The following CCDC85A variants were observed in gnomAD, a reference collection of about 807,000 sequenced individuals.
CCDC85A encodes the protein coiled-coil domain-containing protein 85A.
In CCDC85A, 38 loss-of-function variants were observed where a neutral mutation model predicts 50.2. The observed-to-expected ratio is 0.76, with a 90% CI of 0.58 to 0.99. The LOEUF is 0.99. Ranked by LOEUF, CCDC85A falls within the 50% of genes least tolerant of loss-of-function variation. The pLI, the probability that CCDC85A is intolerant of heterozygous loss-of-function variation, is 0.00. For synonymous variants in CCDC85A, 366 were observed against 301.4 expected, an observed-to-expected ratio of 1.21 and a Z score of -2.22; for missense variants, 820 against 742.0, an observed-to-expected ratio of 1.11 and a Z score of -1.22.
At chr2:56,361,331 A>C (rs906719361) in intron 3 of CCDC85A, among the ~76,000 whole-genome samples, 1 of 152,098 alleles carries the variant, frequency 6.6e-6, no homozygotes. Context: ...CATTCATTTA[A>C]TCTTTTACCC....
chr2:56,369,765 C>G (rs1378964037), intron 3 of CCDC85A, among the ~76,000 whole-genome samples: 1 of 152,044 alleles, frequency 6.6e-6, no homozygotes, highest in African/African-American at 2.4e-5. Context: ...CCCATTTCCC[C>G]CTTTTTCTTC....
intron 3 of CCDC85A, among the ~76,000 whole-genome samples, chr2:56,371,778 A>G (rs1046009567): frequency 3.9e-5 from 6 of 152,216 alleles, no homozygotes; most frequent in Middle Eastern, 3.4e-3. Context: ...AGATTTTTCT[A>G]TGTAAAATAT....
At chr2:56,361,279 A>T (rs907921758) in intron 3 of CCDC85A, among the ~76,000 whole-genome samples, 20 of 151,946 alleles carry the variant, frequency 1.3e-4, no homozygotes, top group African/African-American at 4.3e-4. Flanking sequence ...AATAGGGAAT[A>T]GAATTTCTGT....
chr2:56,198,531 G>A (rs1676615196), intron 2 of CCDC85A, among the ~76,000 whole-genome samples: 1 of 152,172 alleles, frequency 6.6e-6, no homozygotes, highest in Admixed American at 6.5e-5. Context: ...TACCATACTT[G>A]TATATGCAAA....
chr2:56,366,496 A>G (rs1432943520), intron 3 of CCDC85A, among the ~76,000 whole-genome samples: 1 of 152,174 alleles, frequency 6.6e-6, no homozygotes, highest in Non-Finnish European at 1.5e-5. Flanking sequence ...TTTTCTCTTG[A>G]TTAGAACTGT....
intron 2 of CCDC85A, among the ~76,000 whole-genome samples, chr2:56,329,860 A>G (rs1460826219): frequency 6.6e-6 from 1 of 151,726 alleles, no homozygotes; most frequent in Non-Finnish European, 1.5e-5. Flanking sequence ...TTAAATATGC[A>G]TAAAAAGGCA....
intron 2 of CCDC85A, among the ~76,000 whole-genome samples, chr2:56,198,677 G>A (rs1188411053): frequency 6.6e-6 from 1 of 152,128 alleles, no homozygotes; most frequent in Non-Finnish European, 1.5e-5. Context: ...GCTTAGAAAG[G>A]TATTTTCTAG....
At chr2:56,269,354 TG>T (rs1670598773) in intron 2 of CCDC85A, among the ~76,000 whole-genome samples, 1 of 151,960 alleles carries the variant, frequency 6.6e-6, no homozygotes, top group African/African-American at 2.4e-5. Context: ...TGTGTGTGTG[TG>T]TGTGTGTTTG....
intron 2 of CCDC85A, among the ~76,000 whole-genome samples, chr2:56,317,410 T>C (rs1025672921): frequency 2.0e-5 from 3 of 152,120 alleles, no homozygotes; most frequent in African/African-American, 4.8e-5. Flanking sequence ...TGAGATCTTC[T>C]CTCCAAATGA....
At chr2:56,277,992 G>A (rs1671035743) in intron 2 of CCDC85A, among the ~76,000 whole-genome samples, 2 of 152,216 alleles carry the variant, frequency 1.3e-5, no homozygotes, top group South Asian at 4.1e-4. Flanking sequence ...GGGATTAGGT[G>A]AGCATGTGTG....
intron 2 of CCDC85A, among the ~76,000 whole-genome samples, chr2:56,198,073 G>C (rs1279097420): frequency 6.6e-6 from 1 of 152,192 alleles, no homozygotes; most frequent in Non-Finnish European, 1.5e-5. Flanking sequence ...CTTATTCTCT[G>C]TTGAGGTTAT....
intron 2 of CCDC85A, among the ~76,000 whole-genome samples, chr2:56,334,480 C>G: frequency 6.6e-6 from 1 of 152,116 alleles, no homozygotes; most frequent in South Asian, 2.1e-4. Flanking sequence ...AATCACAAGA[C>G]ATTCAATATG....
chr2:56,277,144 G>T (rs1670988207), intron 2 of CCDC85A, among the ~76,000 whole-genome samples: 1 of 152,118 alleles, frequency 6.6e-6, no homozygotes, highest in Admixed American at 6.5e-5. Flanking sequence ...GCTTAAATGA[G>T]GAAGCTGGAT....
Position 56,330,391 on chromosome 2 carries a change from T to C in CCDC85A, c.1241-12488T>C, listed in dbSNP as rs182035401. On this transcript the variant is annotated intron_variant, in intron 2 of 5. Transcript: ENST00000407595. Reference sequence around the variant, plus strand: ...TGAGCCAGACTTCTGTTTAGATTGCTTGTATTGTGTGTTTTATAGGTAGAA... The same window carrying C: ...TGAGCCAGACTTCTGTTTAGATTGCCTGTATTGTGTGTTTTATAGGTAGAA... 1.6e-3 allele frequency among the ~76,000 whole-genome samples: 244 copies of C among 152,312 alleles called. 1 individual carries two copies. The highest frequency in any genetic ancestry group is 3.4e-3 in the Middle Eastern group (1 of 294).
At position 56,372,485 on chromosome 2, in the gene CCDC85A, G is replaced by A. The variant is rs749332528; in HGVS notation, c.1452+7G>A. On this transcript the variant is annotated splice_region_variant and intron_variant, in intron 4 of 5. Transcript: ENST00000407595. ...ATGCCTGCCTACTCTCCCGGTGAGT[G>A]AAGATGAGTCAGCTGGATGCATTTG... is the stretch of plus-strand genomic sequence containing the variant. 1.3e-6 allele frequency: 2 copies of A among 1,585,516 alleles called. No homozygotes were observed. Among genetic ancestry groups the A allele is most frequent in the Non-Finnish European group, 1.7e-6 (2 of 1,164,070 alleles).
chr2:56,364,332 T>G (rs917441622), intron 3 of CCDC85A, among the ~76,000 whole-genome samples: 1 of 109,008 alleles, frequency 9.2e-6, no homozygotes, highest in Non-Finnish European at 2.2e-5. Context: ...TTATTTCGTT[T>G]TATTTTTTCT....
intron 3 of CCDC85A, among the ~76,000 whole-genome samples, chr2:56,362,221 A>T (rs749751592): frequency 2.4e-4 from 36 of 152,106 alleles, no homozygotes; most frequent in Non-Finnish European, 2.9e-4. Flanking sequence ...CTCAGCAATC[A>T]TATGATTGGT....
chr2:56,185,308 G>T (rs1675968436), intron 1 of CCDC85A, among the ~76,000 whole-genome samples: 1 of 152,216 alleles, frequency 6.6e-6, no homozygotes, highest in African/African-American at 2.4e-5. Context: ...GAATGCGGCT[G>T]CTCTGGGCCA....
At chr2:56,308,772 C>T (rs181402044) in intron 2 of CCDC85A, among the ~76,000 whole-genome samples, 22 of 152,290 alleles carry the variant, frequency 1.4e-4, no homozygotes, top group Admixed American at 5.9e-4. Flanking sequence ...CTGCTGCATA[C>T]ACTTTCTCAT....
Sources: allele counts gnomAD v4.1 joint callset (sites outside exome capture counted in the v4.1 genomes callset), GRCh38; gene constraint gnomAD v4.1.1; transcripts MANE v1.5; gene names NCBI Gene and HGNC (gene_info 2026-07-23, HGNC 2026-07-21).